Variants in AGBL4 observed in about 807,000 individuals in gnomAD.
AGBL4 encodes AGBL carboxypeptidase 4.
AGBL4 carries 58 observed loss-of-function variants against 66.4 expected under a neutral mutation model. That is an observed-to-expected ratio of 0.87 (90% CI 0.71 to 1.09). AGBL4 has a LOEUF of 1.09. AGBL4 is among the 50% of genes least tolerant of loss of function. AGBL4 has a pLI of 0.00. For missense variants in AGBL4, 579 were observed against 631.0 expected, an observed-to-expected ratio of 0.92 and a Z score of 0.88; for synonymous variants, 234 against 222.9, an observed-to-expected ratio of 1.05 and a Z score of -0.44.
chr1:48,896,012 G>C (rs1007568698), intron 5 of AGBL4, among the ~76,000 whole-genome samples: 3 of 152,188 alleles, frequency 2.0e-5, no homozygotes, highest in African/African-American at 4.8e-5. Flanking sequence ...TTTGCAGGTT[G>C]CCATTCAAAA....
chr1:48,675,203 C>T (rs1030573207), intron 6 of AGBL4, among the ~76,000 whole-genome samples: 1 of 152,182 alleles, frequency 6.6e-6, no homozygotes, highest in Admixed American at 6.5e-5. Context: ...CCCACCAATT[C>T]CTTACTGTTC....
At chr1:49,553,834 T>A (rs1004514398) in intron 3 of AGBL4, among the ~76,000 whole-genome samples, 7 of 152,234 alleles carry the variant, frequency 4.6e-5, no homozygotes, top group Admixed American at 2.0e-4. Context: ...AATTAAAATT[T>A]AAATTTTCTT....
intron 9 of AGBL4, among the ~76,000 whole-genome samples, chr1:48,633,643 C>T (rs1466359164): frequency 2.0e-5 from 3 of 152,202 alleles, no homozygotes; most frequent in African/African-American, 4.8e-5. Context: ...TATTTCTCTA[C>T]CTCTTCCCAT....
chr1:49,922,546 T>A (rs1458643757), intron 1 of AGBL4, among the ~76,000 whole-genome samples: 4 of 152,202 alleles, frequency 2.6e-5, no homozygotes, highest in Non-Finnish European at 4.4e-5. Context: ...ATCCCATATC[T>A]GGAAAACACC....
chr1:48,636,653 T>C (rs1208808577), intron 8 of AGBL4, among the ~76,000 whole-genome samples: 1 of 152,216 alleles, frequency 6.6e-6, no homozygotes, highest in Non-Finnish European at 1.5e-5. Context: ...TACAGACATA[T>C]TCATGCAGTT....
chr1:48,810,439 G>T (rs958306507), intron 6 of AGBL4, among the ~76,000 whole-genome samples: 4 of 152,166 alleles, frequency 2.6e-5, no homozygotes, highest in African/African-American at 9.7e-5. Flanking sequence ...GCAGTGTAGA[G>T]TAAGGAAAGA....
At chr1:49,716,003 GT>G (rs991061054) in intron 2 of AGBL4, among the ~76,000 whole-genome samples, 1 of 152,070 alleles carries the variant, frequency 6.6e-6, no homozygotes, top group African/African-American at 2.4e-5. Context: ...TGTTTTTGGT[GT>G]TTTAGTCATG....
chr1:49,438,555 C>T (rs2148665082), intron 3 of AGBL4, among the ~76,000 whole-genome samples: 1 of 152,162 alleles, frequency 6.6e-6, no homozygotes, highest in Admixed American at 6.5e-5. Context: ...AACAAGAGGC[C>T]AATGGACATC....
chr1:48,813,824 G>A (rs1446955097), intron 6 of AGBL4, among the ~76,000 whole-genome samples: 4 of 151,652 alleles, frequency 2.6e-5, no homozygotes, highest in Non-Finnish European at 5.9e-5. Flanking sequence ...TGGCTCTGAT[G>A]GAGACATTTT....
At chr1:48,579,689 T>C (rs1394005675) in intron 11 of AGBL4, among the ~76,000 whole-genome samples, 1 of 147,416 alleles carries the variant, frequency 6.8e-6, no homozygotes, top group Non-Finnish European at 1.5e-5. Context: ...GGCGGATGGA[T>C]CACGAGGTCA....
chr1:50,021,587 C>T (rs1226694117), intron 1 of AGBL4, among the ~76,000 whole-genome samples: 1 of 152,090 alleles, frequency 6.6e-6, no homozygotes, highest in African/African-American at 2.4e-5. Flanking sequence ...ACTTCCTTCT[C>T]CATCATCCTC....
intron 4 of AGBL4, among the ~76,000 whole-genome samples, chr1:49,193,761 C>T (rs1006893030): frequency 6.6e-6 from 1 of 151,974 alleles, no homozygotes; most frequent in Non-Finnish European, 1.5e-5. Context: ...TCTCAATCTC[C>T]TGACCTCGTG....
chr1:49,140,443 G>T lies in AGBL4; in HGVS notation c.378-94643C>A, dbSNP rs553580232. Among the ~76,000 whole-genome samples the T allele has an allele frequency of 2.6e-5, 4 of 152,326 alleles. No homozygotes were observed. The South Asian group carries it at 8.3e-4, about 32-fold the overall frequency. On this transcript the variant is annotated intron_variant, in intron 4 of 13. Coordinates refer to ENST00000371839, the MANE Select transcript of AGBL4 (RefSeq NM_032785.4). ...ATTCACACCTTTCTTCCATCAGGCT[G>T]CCCTGCCCCAGGAAAACAACCCAAT...
intron 6 of AGBL4, among the ~76,000 whole-genome samples, chr1:48,820,960 C>A (rs1339762378): frequency 6.6e-6 from 1 of 152,098 alleles, no homozygotes; most frequent in Non-Finnish European, 1.5e-5. Flanking sequence ...ACAGATATTT[C>A]TCAAAAGAAG....
intron 3 of AGBL4, among the ~76,000 whole-genome samples, chr1:49,600,760 T>C (rs1175916051): frequency 6.6e-6 from 1 of 152,242 alleles, no homozygotes; most frequent in Non-Finnish European, 1.5e-5. Context: ...GTTGTTCCTT[T>C]ACATGTTTAG....
At chr1:48,805,197 A>G (rs1031429359) in intron 6 of AGBL4, among the ~76,000 whole-genome samples, 4 of 152,200 alleles carry the variant, frequency 2.6e-5, no homozygotes, top group African/African-American at 9.7e-5. Flanking sequence ...ATACTATGTG[A>G]GAAGTGCTCT....
chr1:49,224,369 G>C (rs916629546), intron 4 of AGBL4, among the ~76,000 whole-genome samples: 1 of 152,078 alleles, frequency 6.6e-6, no homozygotes, highest in Non-Finnish European at 1.5e-5. Context: ...TGTAATCCCA[G>C]CACTTTGGGT....
At chr1:48,914,160 C>G (rs927035085) in intron 5 of AGBL4, among the ~76,000 whole-genome samples, 4 of 152,102 alleles carry the variant, frequency 2.6e-5, no homozygotes, top group Admixed American at 2.6e-4. Flanking sequence ...CAGCCTAGGA[C>G]GGAACCCTGA....
At chr1:49,722,385 A>C (rs1648676502) in intron 2 of AGBL4, among the ~76,000 whole-genome samples, 1 of 152,156 alleles carries the variant, frequency 6.6e-6, no homozygotes, top group Admixed American at 6.6e-5. Flanking sequence ...TAACAAATGG[A>C]GAGAACTTAG....
Sources: allele counts gnomAD v4.1 joint callset (sites outside exome capture counted in the v4.1 genomes callset), GRCh38; gene constraint gnomAD v4.1.1; transcripts MANE v1.5; gene names NCBI Gene and HGNC (gene_info 2026-07-23, HGNC 2026-07-21).